RBM6: variants seen among roughly 807,000 people sequenced by gnomAD.
RBM6 encodes the protein RNA binding motif protein 6, also known as RNA-binding protein 6.
A neutral mutation model predicts 140.4 loss-of-function variants in RBM6; 23 were observed. That is an observed-to-expected ratio of 0.16 (90% CI 0.12 to 0.23). The LOEUF (loss-of-function observed/expected upper bound fraction) is 0.23. Ranked by LOEUF, RBM6 falls within the 10% of genes least tolerant of loss-of-function variation. RBM6 has a pLI of 1.00. For missense variants in RBM6, 1,139 were observed against 1,386.7 expected (o/e 0.82, Z 2.84); for synonymous variants, 439 against 475.6 (o/e 0.92, Z 1.00).
intron 1 of RBM6, among the ~76,000 whole-genome samples, chr3:49,961,092 T>C (rs1448709477): frequency 5.3e-5 from 8 of 151,914 alleles, no homozygotes; most frequent in Non-Finnish European, 1.2e-4. Flanking sequence ...TATATATATT[T>C]TTTAAGATGG....
intron 6 of RBM6, among the ~76,000 whole-genome samples, chr3:50,022,618 C>G (rs1575721196): frequency 6.6e-6 from 1 of 152,114 alleles, no homozygotes; most frequent in Non-Finnish European, 1.5e-5. Context: ...GCGTGAGCCA[C>G]CGCACCTGAC....
At chr3:50,075,491 G>A (rs902468854) in intron 20 of RBM6, among the ~76,000 whole-genome samples, 161 bp downstream of exon 20, 2 of 152,210 alleles carry the variant, frequency 1.3e-5, no homozygotes, top group Non-Finnish European at 2.9e-5. Context: ...CTGGGTTATA[G>A]CTTGGCAGGC....
At chr3:50,023,532 C>T (rs1391019347) in intron 6 of RBM6, among the ~76,000 whole-genome samples, 2 of 151,968 alleles carry the variant, frequency 1.3e-5, no homozygotes, top group Non-Finnish European at 2.9e-5. Context: ...GTAGTGACCG[C>T]AGTCCGTGCT....
At chr3:49,971,190 TGGGAGGCAGAGGTTGCG>T (rs201175105) in intron 3 of RBM6, among the ~76,000 whole-genome samples, 4 of 145,866 alleles carry the variant, frequency 2.7e-5, no homozygotes, top group African/African-American at 5.1e-5. Flanking sequence ...CCCTTGAACC[TGGGAGGCAGAGGTTGCG>T]GGGAGGCAGA....
intron 1 of RBM6, among the ~76,000 whole-genome samples, chr3:49,946,273 C>T (rs1559510366): frequency 6.6e-6 from 1 of 151,840 alleles, no homozygotes; most frequent in East Asian, 1.9e-4. Context: ...CAGATTCTCG[C>T]TCTGTCACGC....
At chr3:49,954,876 A>G (rs1367129063) in intron 1 of RBM6, among the ~76,000 whole-genome samples, 1 of 150,766 alleles carries the variant, frequency 6.6e-6, no homozygotes, top group Non-Finnish European at 1.5e-5. Context: ...CTCCTGCCTC[A>G]GCCTCCCCAG....
At chr3:50,039,482 A>ACCCCCCCCCCCCCCC (rs10546220) in intron 6 of RBM6, among the ~76,000 whole-genome samples, 8 of 122,150 alleles carry the variant, frequency 6.5e-5, no homozygotes, top group Non-Finnish European at 1.2e-4. Context: ...CAGGTGATCC[A>ACCCCCCCCCCCCCCC]CCCCCCCCCC....
In RBM6 at chr3:49,985,272, A is replaced by G. The variant is rs111275625; in HGVS notation, c.1483+9880A>G. Reference sequence around the variant, plus strand: ...CTAGGCAGGGGAATTTATTTATACAATTACCTTAAATGAGCACCAGATAGA... The same window carrying G: ...CTAGGCAGGGGAATTTATTTATACAGTTACCTTAAATGAGCACCAGATAGA... On this transcript the variant is annotated intron_variant, in intron 5 of 20. Transcript: ENST00000266022. Among the ~76,000 whole-genome samples the G allele has an allele frequency of 7.2e-5, 11 of 152,306 alleles. 2 individuals are homozygous for G. Among genetic ancestry groups the G allele is most frequent in the African/African-American group, 2.2e-4 (9 of 41,568 alleles).
At chr3:50,058,356 C>G (rs765029767) in intron 9 of RBM6, 46 bp from the exon 10 acceptor site, 4 of 1,546,382 alleles carry the variant, frequency 2.6e-6, no homozygotes, top group Non-Finnish European at 3.6e-6. Flanking sequence ...AAAAATTTAT[C>G]TTTCTCTCCC....
chr3:50,040,493 T>TATATATACACAC (rs749096137), intron 6 of RBM6, among the ~76,000 whole-genome samples: 1 of 85,880 alleles, frequency 1.2e-5, no homozygotes, highest in African/African-American at 4.6e-5. Flanking sequence ...TATATATATA[T>TATATATACACAC]ACACACACAC....
chr3:50,065,148 T>C (rs370340820), intron 16 of RBM6, 22 bp downstream of exon 16: 3 of 1,560,356 alleles, frequency 1.9e-6, no homozygotes, highest in South Asian at 1.1e-5. Context: ...ATTGATCCCC[T>C]GGACCTAGGG....
At chr3:49,999,399 CA>C (rs2086224338) in intron 5 of RBM6, 40 bp from the exon 6 acceptor site, 1 of 1,523,468 alleles carries the variant, frequency 6.6e-7, no homozygotes, top group Non-Finnish European at 9.1e-7. Context: ...GTTTGCAAGG[CA>C]CTAACACCAC....
rs768749959 is a variant in RBM6 at position 50,077,185 on chromosome 3, CTCCTT to C, written c.*54_*58del. On this transcript the variant is annotated 3_prime_UTR_variant, in exon 21 of 21. Transcript: ENST00000266022. ...AACCTCCCTCTTGTTTTGTTTGTCT[CTCCTT>C]TTCTTTTGTTACTGTTCTTGCTGCT... The C allele has an allele frequency of 6.5e-6, 10 of 1,543,206 alleles. 1 individual carries two copies. The South Asian group carries it at 1.2e-4, about 19-fold the overall frequency.
intron 5 of RBM6, among the ~76,000 whole-genome samples, chr3:49,996,523 T>C (rs2086095713): frequency 6.6e-6 from 1 of 152,224 alleles, no homozygotes; most frequent in Non-Finnish European, 1.5e-5. Context: ...TCTTTCCATA[T>C]TGCTATACAA....
At chr3:50,032,328 A>C (rs2088217647) in intron 6 of RBM6, among the ~76,000 whole-genome samples, 1 of 151,854 alleles carries the variant, frequency 6.6e-6, no homozygotes, top group Non-Finnish European at 1.5e-5. Flanking sequence ...TAAAAAAAAT[A>C]CAAAAATTAG....
intron 17 of RBM6, among the ~76,000 whole-genome samples, chr3:50,067,525 T>TC (rs1467680176): frequency 2.0e-5 from 3 of 152,226 alleles, no homozygotes; most frequent in Non-Finnish European, 2.9e-5. Context: ...CATCTGATTC[T>TC]ATCCAGCTCT....
rs145693834 is a variant in RBM6, at chr3:50,075,585, G to A, written c.3246+255G>A. 5.0e-3 allele frequency among the ~76,000 whole-genome samples: 754 copies of A among 152,282 alleles called. 8 individuals are homozygous for A. Among genetic ancestry groups the A allele is most frequent in the African/African-American group, 0.017 (706 of 41,566 alleles). On this transcript the variant is annotated intron_variant, in intron 20 of 20. Coordinates refer to ENST00000266022, the MANE Select transcript of RBM6 (RefSeq NM_005777.3). ...ATACTTTTACATGGAGTAAATAGTA[G>A]AGCAGTATCTGAGGCAGTTTGAGAC... is the stretch of plus-strand genomic sequence containing the variant.
intron 6 of RBM6, among the ~76,000 whole-genome samples, chr3:50,024,347 C>A (rs1047939231): frequency 6.6e-6 from 1 of 152,144 alleles, no homozygotes. Context: ...GTTGGATATA[C>A]CTGGTTAACC....
intron 6 of RBM6, among the ~76,000 whole-genome samples, chr3:50,036,152 C>T (rs1365280978): frequency 6.6e-6 from 1 of 152,168 alleles, no homozygotes; most frequent in Non-Finnish European, 1.5e-5. Flanking sequence ...CACCTCAGCT[C>T]CCAAAGTGCT....
Sources: gnomAD v4.1 joint callset for allele counts (sites outside exome capture counted in the v4.1 genomes callset) on GRCh38, gnomAD v4.1.1 for gene constraint, MANE v1.5 for transcripts, NCBI Gene and HGNC (gene_info 2026-07-23, HGNC 2026-07-21) for gene names.